The following CSGALNACT1 variants were observed in gnomAD, a reference collection of about 807,000 sequenced individuals.
The protein encoded by CSGALNACT1 is chondroitin sulfate N-acetylgalactosaminyltransferase 1, also known as beta4GalNAcT-1.
CSGALNACT1 carries 52 observed loss-of-function variants against 51.0 expected under a neutral mutation model. That is an observed-to-expected ratio of 1.02 (90% CI 0.82 to 1.29). The LOEUF (loss-of-function observed/expected upper bound fraction) is 1.29. Ranked by LOEUF, CSGALNACT1 falls within the 50% of genes most tolerant of loss-of-function variation. CSGALNACT1 has a pLI of 0.00. For synonymous variants in CSGALNACT1, 341 were observed against 254.4 expected, an observed-to-expected ratio of 1.34 and a Z score of -3.24; for missense variants, 935 against 679.2, an observed-to-expected ratio of 1.38 and a Z score of -4.19.
chr8:19,536,138 A>T (rs538763645), intron 3 of CSGALNACT1, among the ~76,000 whole-genome samples: 1 of 152,352 alleles, frequency 6.6e-6, no homozygotes, highest in Admixed American at 6.5e-5. Flanking sequence ...TATAAGATCA[A>T]TATATGACAC....
intron 3 of CSGALNACT1, among the ~76,000 whole-genome samples, chr8:19,557,593 A>G (rs890549701): frequency 6.6e-6 from 1 of 152,262 alleles, no homozygotes; most frequent in East Asian, 1.9e-4. Context: ...TTTCTGGGAC[A>G]TTCTTCCCCT....
intron 6 of CSGALNACT1, among the ~76,000 whole-genome samples, chr8:19,428,866 T>TG (rs902424167): frequency 7.0e-6 from 1 of 142,032 alleles, no homozygotes; most frequent in African/African-American, 2.7e-5. Flanking sequence ...TGTGTGTGTG[T>TG]GTGTGTGTGT....
At chr8:19,751,407 G>A (rs2065019321) in intron 1 of CSGALNACT1, among the ~76,000 whole-genome samples, 1 of 152,088 alleles carries the variant, frequency 6.6e-6, no homozygotes, top group African/African-American at 2.4e-5. Context: ...TTTTTATCAT[G>A]GGAAGAGAAT....
chr8:19,527,242 A>T (rs182479032), intron 3 of CSGALNACT1, among the ~76,000 whole-genome samples: 2 of 152,306 alleles, frequency 1.3e-5, no homozygotes, highest in East Asian at 3.9e-4. Context: ...ACGCATTCAG[A>T]AACAGCTTTC....
intron 3 of CSGALNACT1, among the ~76,000 whole-genome samples, chr8:19,588,494 A>T (rs1270246515): frequency 6.6e-6 from 1 of 152,228 alleles, no homozygotes; most frequent in Non-Finnish European, 1.5e-5. Flanking sequence ...TGATTACCTA[A>T]ATGTAAATAT....
At chr8:19,456,103 T>C (rs1249519271) in intron 5 of CSGALNACT1, among the ~76,000 whole-genome samples, 2 of 152,258 alleles carry the variant, frequency 1.3e-5, no homozygotes, top group Non-Finnish European at 2.9e-5. Flanking sequence ...TCACCCGTTT[T>C]GAGGCTTGTA....
intron 3 of CSGALNACT1, among the ~76,000 whole-genome samples, chr8:19,511,961 G>A (rs906027227): frequency 3.4e-4 from 51 of 152,152 alleles, no homozygotes; most frequent in African/African-American, 1.2e-3. Context: ...GATGAGAACA[G>A]CAAGTGGGAA....
chr8:19,411,807 C>G (rs2055806163), intron 8 of CSGALNACT1, among the ~76,000 whole-genome samples: 1 of 151,268 alleles, frequency 6.6e-6, no homozygotes, highest in Admixed American at 6.6e-5. Context: ...CTGGATTTCA[C>G]TGATCTGTTT....
At chr8:19,567,044 C>T (rs1321542555) in intron 3 of CSGALNACT1, among the ~76,000 whole-genome samples, 2 of 152,198 alleles carry the variant, frequency 1.3e-5, no homozygotes, top group African/African-American at 2.4e-5. Flanking sequence ...GGTTTCCTCC[C>T]CTCCTAATGC....
intron 3 of CSGALNACT1, among the ~76,000 whole-genome samples, chr8:19,562,128 ACCCCCACAGAC>A (rs2040882856): frequency 6.6e-6 from 1 of 151,900 alleles, no homozygotes; most frequent in Admixed American, 6.6e-5. Context: ...CCATCCTGCC[ACCCCCACAGAC>A]CCCCCACAGC....
At chr8:19,520,030 T>C (rs2080337363) in intron 3 of CSGALNACT1, among the ~76,000 whole-genome samples, 1 of 152,218 alleles carries the variant, frequency 6.6e-6, no homozygotes, top group African/African-American at 2.4e-5. Flanking sequence ...TGCTGGCGTG[T>C]TCTAGGTGAG....
intron 4 of CSGALNACT1, among the ~76,000 whole-genome samples, chr8:19,484,810 G>A (rs927109757): frequency 2.0e-5 from 3 of 152,118 alleles, no homozygotes; most frequent in African/African-American, 7.2e-5. Flanking sequence ...GCTCTGGTGG[G>A]TCCTAATCCA....
rs865853200 is a variant in CSGALNACT1, at chr8:19,576,488, C to T, written c.-297+14672G>A. ...GATTACAAGCTTGAGCCATTGCACC[C>T]GGCCTATTCCTAATCTTTCACATGA... is the stretch of plus-strand genomic sequence containing the variant. On this transcript the variant is annotated intron_variant, in intron 3 of 9. Coordinates refer to ENST00000454498, the Ensembl canonical transcript of CSGALNACT1. Among the ~76,000 whole-genome samples the T allele has an allele frequency of 1.5e-4, 23 of 151,802 alleles. 1 individual carries two copies. The South Asian group carries it at 1.7e-3, about 11-fold the overall frequency.
chr8:19,468,685 G>T (rs1035919660), intron 4 of CSGALNACT1, among the ~76,000 whole-genome samples: 1 of 152,150 alleles, frequency 6.6e-6, no homozygotes, highest in African/African-American at 2.4e-5. Context: ...GCAGGTGAGG[G>T]AGAGGGAGAA....
chr8:19,458,297 A>C, intron 5 of CSGALNACT1, 129 bp downstream of exon 4: 1 of 875,578 alleles, frequency 1.1e-6, no homozygotes, highest in Non-Finnish European at 2.0e-6. Flanking sequence ...TTACGTGGAG[A>C]AAACAGAGCT....
At chr8:19,574,230 C>T (rs1039140401) in intron 3 of CSGALNACT1, among the ~76,000 whole-genome samples, 1 of 152,196 alleles carries the variant, frequency 6.6e-6, no homozygotes, top group African/African-American at 2.4e-5. Flanking sequence ...GTTTAAAGTT[C>T]ATTCTTTCTT....
chr8:19,704,358 A>G (rs2062041671), intron 1 of CSGALNACT1, among the ~76,000 whole-genome samples: 1 of 152,244 alleles, frequency 6.6e-6, no homozygotes, highest in Non-Finnish European at 1.5e-5. Context: ...AATTTCTTGC[A>G]TATCAAAACC....
At chr8:19,513,430 C>CTATATATATA (rs1457528458) in intron 3 of CSGALNACT1, among the ~76,000 whole-genome samples, 7 of 78,748 alleles carry the variant, frequency 8.9e-5, no homozygotes, top group African/African-American at 2.2e-4. Flanking sequence ...CTCTCTCTCT[C>CTATATATATA]TCTCTCTATA....
At chr8:19,457,395 C>G (rs1002668922) in intron 5 of CSGALNACT1, 6 of 352,756 alleles carry the variant, frequency 1.7e-5, no homozygotes, top group African/African-American at 1.3e-4. Context: ...AGCAGATCAC[C>G]TGAGATCAGG....
Sources: gnomAD v4.1 joint callset for allele counts (sites outside exome capture counted in the v4.1 genomes callset) on GRCh38, gnomAD v4.1.1 for gene constraint, MANE v1.5 for transcripts, NCBI Gene and HGNC (gene_info 2026-07-23, HGNC 2026-07-21) for gene names.